The following FRMD3 variants were observed in gnomAD, a reference collection of about 807,000 sequenced individuals.
FRMD3 encodes FERM domain-containing protein 3.
Under a neutral mutation model 70.2 loss-of-function variants are expected in FRMD3, and 33 were observed. The ratio of observed to expected loss-of-function variants is 0.47; its 90% CI spans 0.36 to 0.63. FRMD3 has a LOEUF of 0.63. FRMD3 is among the 20% of genes least tolerant of loss of function. The pLI is 0.00. For synonymous variants in FRMD3, 279 were observed against 255.9 expected, an observed-to-expected ratio of 1.09 and a Z score of -0.86; for missense variants, 632 against 711.4, an observed-to-expected ratio of 0.89 and a Z score of 1.27.
chr9:83,450,810 G>A (rs1478594172), intron 1 of FRMD3, among the ~76,000 whole-genome samples: 1 of 152,162 alleles, frequency 6.6e-6, no homozygotes, highest in Non-Finnish European at 1.5e-5. Flanking sequence ...GAGTAGCAGC[G>A]GGGACACCGA....
intron 2 of FRMD3, among the ~76,000 whole-genome samples, chr9:83,376,976 G>C (rs1055223468): frequency 2.0e-5 from 3 of 151,982 alleles, no homozygotes; most frequent in African/African-American, 7.3e-5. Flanking sequence ...AGAATGAAAT[G>C]AAAATACTAT....
intron 3 of FRMD3, among the ~76,000 whole-genome samples, chr9:83,353,517 T>C (rs1456526833): frequency 6.6e-6 from 1 of 152,156 alleles, no homozygotes; most frequent in Admixed American, 6.5e-5. Flanking sequence ...CAGAGCTGAT[T>C]ATTGATAAAA....
intron 1 of FRMD3, among the ~76,000 whole-genome samples, chr9:83,506,944 C>T (rs937044537): frequency 7.9e-5 from 12 of 152,058 alleles, no homozygotes; most frequent in Non-Finnish European, 4.4e-5. Flanking sequence ...AAGACACAGA[C>T]ACATTAGCCT....
chr9:83,409,514 G>A (rs1170396282), intron 1 of FRMD3, among the ~76,000 whole-genome samples: 1 of 152,164 alleles, frequency 6.6e-6, no homozygotes, highest in Non-Finnish European at 1.5e-5. Flanking sequence ...TCAGAGGATG[G>A]ACAAAAACTT....
intron 13 of FRMD3, among the ~76,000 whole-genome samples, chr9:83,261,771 G>T (rs1833007466): frequency 1.3e-5 from 2 of 152,100 alleles, no homozygotes; most frequent in South Asian, 4.1e-4. Context: ...TCACTCTTTT[G>T]GATATTACCA....
intron 1 of FRMD3, among the ~76,000 whole-genome samples, chr9:83,473,469 T>G (rs573817820): frequency 6.6e-6 from 1 of 152,262 alleles, no homozygotes. Flanking sequence ...AATATTTCAA[T>G]GTTCATGTGT....
At chr9:83,415,279 C>G (rs1826398431) in intron 1 of FRMD3, among the ~76,000 whole-genome samples, 1 of 152,146 alleles carries the variant, frequency 6.6e-6, no homozygotes, top group Non-Finnish European at 1.5e-5. Flanking sequence ...GGTCAGCCAT[C>G]TGGGGCAGAG....
chr9:83,568,150 G>A, the FRMD3 span, among the ~76,000 whole-genome samples: 1 of 152,200 alleles, frequency 6.6e-6, no homozygotes, highest in Non-Finnish European at 1.5e-5. Context: ...TGAAAATGGG[G>A]ATGAAGCAAA....
intron 1 of FRMD3, among the ~76,000 whole-genome samples, chr9:83,450,355 T>TG (rs894615502): frequency 1.8e-4 from 25 of 139,428 alleles, no homozygotes; most frequent in Non-Finnish European, 2.4e-4. Flanking sequence ...CAGTTTTTTT[T>TG]TTTTTTTTTT....
the FRMD3 span, among the ~76,000 whole-genome samples, chr9:83,580,286 T>C: frequency 5.9e-5 from 9 of 152,222 alleles, no homozygotes; most frequent in Admixed American, 1.3e-4. Context: ...TCTGGGAACA[T>C]ATTCAAAGGA....
intron 3 of FRMD3, among the ~76,000 whole-genome samples, chr9:83,362,638 C>T (rs142134632): frequency 6.6e-6 from 1 of 152,336 alleles, no homozygotes; most frequent in African/African-American, 2.4e-5. Context: ...AGGCACCAGC[C>T]AGGATTAAGT....
At chr9:83,416,992 C>T (rs1826476871) in intron 1 of FRMD3, among the ~76,000 whole-genome samples, 1 of 152,166 alleles carries the variant, frequency 6.6e-6, no homozygotes, top group Admixed American at 6.5e-5. Context: ...AATTCCACTC[C>T]TTTCTCCTTT....
intron 1 of FRMD3, among the ~76,000 whole-genome samples, chr9:83,403,787 C>T (rs1411774753): frequency 6.6e-6 from 1 of 152,136 alleles, no homozygotes; most frequent in Non-Finnish European, 1.5e-5. Context: ...ACCCTAGCAC[C>T]AGCCTTATTT....
At chr9:83,298,690 G>A in intron 12 of FRMD3, 58 bp downstream of exon 12, 1 of 1,294,594 alleles carries the variant, frequency 7.7e-7, no homozygotes. Context: ...ATGTTATAGG[G>A]GATTTGGAAA....
chr9:83,325,936 A>T (rs974199404), intron 6 of FRMD3, among the ~76,000 whole-genome samples: 1 of 152,246 alleles, frequency 6.6e-6, no homozygotes, highest in Non-Finnish European at 1.5e-5. Flanking sequence ...TTATTGGAAC[A>T]TCATCACACC....
Position 83,481,848 on chromosome 9 carries a change from G to A in FRMD3, c.147+56237C>T, listed in dbSNP as rs114314789. ...CTAATGTGCACTGTGATCACCAAGA[G>A]GGGGACTGTAGTGTTTCCCAAAGGT... On this transcript the variant is annotated intron_variant, in intron 1 of 13. Coordinates refer to ENST00000304195, the MANE Select transcript of FRMD3 (RefSeq NM_174938.6). Among the ~76,000 whole-genome samples the A allele has an allele frequency of 4.5e-3, 684 of 152,132 alleles. 6 individuals are homozygous for A. The highest frequency in any genetic ancestry group is 0.015 in the African/African-American group (631 of 41,498).
chr9:83,579,655 C>T, the FRMD3 span, among the ~76,000 whole-genome samples: 1 of 152,086 alleles, frequency 6.6e-6, no homozygotes, highest in South Asian at 2.1e-4. Context: ...AAGACTTAAA[C>T]ATAAAACCTG....
At chr9:83,279,035 C>T (rs1833882012) in intron 13 of FRMD3, 1 of 152,228 alleles carries the variant, frequency 6.6e-6, no homozygotes, top group African/African-American at 2.4e-5. Flanking sequence ...CCACAGATCA[C>T]AAGGGATGCT....
At chr9:83,356,172 G>A (rs1001205869) in intron 3 of FRMD3, among the ~76,000 whole-genome samples, 28 of 151,468 alleles carry the variant, frequency 1.8e-4, no homozygotes, top group Admixed American at 1.0e-3. Flanking sequence ...CTGGGTGAAA[G>A]GGAAAAAGGG....
Sources: allele counts gnomAD v4.1 joint callset (sites outside exome capture counted in the v4.1 genomes callset), GRCh38; gene constraint gnomAD v4.1.1; transcripts MANE v1.5; gene names NCBI Gene and HGNC (gene_info 2026-07-23, HGNC 2026-07-21).